The following SOX5 variants were observed in gnomAD, a reference collection of about 807,000 sequenced individuals.
The protein encoded by SOX5 is transcription factor SOX-5.
In SOX5, 9 loss-of-function variants were observed where a neutral mutation model predicts 92.0. The ratio of observed to expected loss-of-function variants is 0.10; its 90% CI spans 0.06 to 0.17. The LOEUF is 0.17. SOX5 is among the 10% of genes least tolerant of loss of function. SOX5 has a pLI of 1.00. For missense variants in SOX5, 642 were observed against 944.5 expected (o/e 0.68, Z 4.20); for synonymous variants, 344 against 336.3 (o/e 1.02, Z -0.25).
chr12:24,432,227 T>C (rs746051552), intron 1 of SOX5, among the ~76,000 whole-genome samples: 5 of 152,196 alleles, frequency 3.3e-5, no homozygotes, highest in Non-Finnish European at 5.9e-5. Flanking sequence ...GCCACTTTAC[T>C]GGTGCTGTAA....
intron 4 of SOX5, among the ~76,000 whole-genome samples, chr12:23,751,354 G>T (rs941605236): frequency 4.6e-5 from 7 of 151,834 alleles, no homozygotes; most frequent in African/African-American, 1.7e-4. Flanking sequence ...GATTTTAAAA[G>T]AACATGTTTG....
At chr12:23,779,814 TACACACACACAC>T (rs1555337311) in intron 3 of SOX5, among the ~76,000 whole-genome samples, 1 of 110,812 alleles carries the variant, frequency 9.0e-6, no homozygotes, top group Non-Finnish European at 1.8e-5. Context: ...TATATATATA[TACACACACACAC>T]ACACACACAC....
intron 4 of SOX5, among the ~76,000 whole-genome samples, chr12:24,103,166 A>C (rs1160495388): frequency 2.0e-5 from 3 of 152,214 alleles, no homozygotes; most frequent in African/African-American, 7.2e-5. Context: ...AATTGTTATA[A>C]GTTGTACAAG....
At chr12:23,539,020 T>A (rs1179972349) in intron 13 of SOX5, among the ~76,000 whole-genome samples, 1 of 151,788 alleles carries the variant, frequency 6.6e-6, no homozygotes, top group Admixed American at 6.6e-5. Context: ...TTAGCCAGGA[T>A]GGTGTCAATC....
chr12:24,182,374 A>C (rs895943370), intron 4 of SOX5, among the ~76,000 whole-genome samples: 1 of 152,256 alleles, frequency 6.6e-6, no homozygotes, highest in African/African-American at 2.4e-5. Context: ...TACACGAAGG[A>C]CCAACAGCAT....
intron 14 of SOX5, 102 bp downstream of exon 14, chr12:23,536,351 C>A: frequency 1.1e-6 from 1 of 921,724 alleles, no homozygotes; most frequent in Non-Finnish European, 1.7e-6. Context: ...AGCTCAGATT[C>A]TTTTTCAAAA....
intron 4 of SOX5, among the ~76,000 whole-genome samples, chr12:24,173,246 A>ATGGTT (rs1954402666): frequency 6.6e-6 from 1 of 152,262 alleles, no homozygotes; most frequent in African/African-American, 2.4e-5. Context: ...TGAAAGAAGT[A>ATGGTT]TCTGCAAACA....
intron 1 of SOX5, among the ~76,000 whole-genome samples, chr12:24,494,901 A>G (rs982612583): frequency 1.3e-5 from 2 of 152,220 alleles, no homozygotes; most frequent in African/African-American, 4.8e-5. Flanking sequence ...CGCAAAATAT[A>G]GACAACTGGG....
At chr12:23,954,432 A>T (rs1021555438), upstream of SOX5, among the ~76,000 whole-genome samples, 2 of 151,694 alleles carry the variant, frequency 1.3e-5, no homozygotes, top group Non-Finnish European at 2.9e-5. Context: ...ATTAAAATTA[A>T]AAAGAGGACA....
intron 1 of SOX5, among the ~76,000 whole-genome samples, chr12:24,518,772 C>T (rs1431501348): frequency 6.6e-6 from 1 of 152,194 alleles, no homozygotes; most frequent in Non-Finnish European, 1.5e-5. Context: ...TGTTAATCAT[C>T]TGTCAATTTC....
intron 4 of SOX5, among the ~76,000 whole-genome samples, chr12:24,016,940 T>C (rs935735362): frequency 6.6e-6 from 1 of 152,212 alleles, no homozygotes; most frequent in African/African-American, 2.4e-5. Context: ...TTCAGTTTTA[T>C]GTAAACCTTA....
intron 3 of SOX5, among the ~76,000 whole-genome samples, chr12:23,775,283 C>CA (rs2141623863): frequency 6.6e-6 from 1 of 152,152 alleles, no homozygotes; most frequent in South Asian, 2.1e-4. Flanking sequence ...ATTTAATTTT[C>CA]AAAAAATCCT....
chr12:23,866,192 A>G (rs1275733798), intron 2 of SOX5, among the ~76,000 whole-genome samples: 1 of 152,240 alleles, frequency 6.6e-6, no homozygotes, highest in East Asian at 1.9e-4. Flanking sequence ...CTATGGCATA[A>G]GTATAACATA....
At chr12:23,618,346 A>G (rs1566398782) in intron 8 of SOX5, among the ~76,000 whole-genome samples, 1 of 152,126 alleles carries the variant, frequency 6.6e-6, no homozygotes, top group Non-Finnish European at 1.5e-5. Context: ...TAAAGCAAAC[A>G]CTTGTCTTTG....
chr12:24,467,081 T>A (rs1250118835), intron 1 of SOX5, among the ~76,000 whole-genome samples: 1 of 152,228 alleles, frequency 6.6e-6, no homozygotes, highest in South Asian at 2.1e-4. Context: ...GATAAAGAGC[T>A]GGCCTTCACT....
At chr12:24,381,921 T>G (rs74070027) in intron 1 of SOX5, among the ~76,000 whole-genome samples, 2 of 152,168 alleles carry the variant, frequency 1.3e-5, no homozygotes, top group African/African-American at 4.8e-5. Flanking sequence ...AAGAAAACAA[T>G]GTACATTATT....
upstream of SOX5, chr12:23,950,982 C>T: frequency 1.6e-6 from 1 of 610,004 alleles, no homozygotes; most frequent in Non-Finnish European, 2.8e-6. Flanking sequence ...CGCATGCACA[C>T]ACACACACAC....
chr12:23,816,544 A>G (rs1025155575), intron 3 of SOX5, among the ~76,000 whole-genome samples: 3 of 152,146 alleles, frequency 2.0e-5, no homozygotes, highest in Non-Finnish European at 2.9e-5. Context: ...TACATCTAGC[A>G]GAAAATTCCT....
chr12:24,158,072 A>G (rs1464467568), intron 4 of SOX5, among the ~76,000 whole-genome samples: 1 of 152,096 alleles, frequency 6.6e-6, no homozygotes. Flanking sequence ...GGCAATTTCT[A>G]CCAAGGTCAG....
Sources: gnomAD v4.1 joint callset for allele counts (sites outside exome capture counted in the v4.1 genomes callset) on GRCh38, gnomAD v4.1.1 for gene constraint, MANE v1.5 for transcripts, NCBI Gene and HGNC (gene_info 2026-07-23, HGNC 2026-07-21) for gene names.